Variants in MDH1B observed in about 807,000 individuals in gnomAD.
The protein encoded by MDH1B is malate dehydrogenase 1B, also known as putative malate dehydrogenase 1B.
In MDH1B, 60 loss-of-function variants were observed where a neutral mutation model predicts 61.4. That is an observed-to-expected ratio of 0.98 (90% CI 0.79 to 1.21). The LOEUF is 1.21. Ranked by LOEUF, MDH1B falls within the 50% of genes most tolerant of loss-of-function variation. The pLI, the probability that MDH1B is intolerant of heterozygous loss-of-function variation, is 0.00. For synonymous variants in MDH1B, 236 were observed against 218.7 expected (o/e 1.08, Z -0.70); for missense variants, 587 against 632.1 (o/e 0.93, Z 0.76).
At chr2:206,754,361 TC>T (rs1688629635) in intron 5 of MDH1B, among the ~76,000 whole-genome samples, 1 of 152,178 alleles carries the variant, frequency 6.6e-6, no homozygotes, top group Non-Finnish European at 1.5e-5. Context: ...AATACAACAA[TC>T]CATTTTCTGA....
intron 7 of MDH1B, among the ~76,000 whole-genome samples, chr2:206,748,163 A>G (rs766180084): frequency 1.4e-4 from 21 of 152,164 alleles, no homozygotes; most frequent in Non-Finnish European, 2.6e-4. Context: ...GGTAGATCAC[A>G]AGGTCAGGAG....
intron 4 of MDH1B, 83 bp downstream of exon 4, chr2:206,756,815 C>T: frequency 6.8e-7 from 1 of 1,467,016 alleles, no homozygotes. Flanking sequence ...AGGTATTCTT[C>T]CATCATGAAA....
Position 206,757,314 on chromosome 2 carries a change from T to C in MDH1B, c.193A>G (p.Ile65Val). The change falls in exon 3 of 12, where the codon ATC becomes GTC. Residue 65 changes from isoleucine to valine, a missense_variant. By Grantham distance (29) the Ile-to-Val change is conservative. Transcript: ENST00000374412. ...CCACGATCCAACAGCTCTCTCCAGA[T>C]GATAGGGGAATTCTTGTGACTCCAC... ...NKWSHKNSPI[I>V]WRELLDRGGK... is the part of the protein sequence containing the mutation. The C allele has an allele frequency of 6.2e-7, 1 of 1,613,970 alleles. No individual in the cohort carries two copies. The highest frequency in any genetic ancestry group is 8.5e-7 in the Non-Finnish European group (1 of 1,179,898).
At chr2:206,748,842 C>A (rs1688271548) in intron 7 of MDH1B, among the ~76,000 whole-genome samples, 178 bp downstream of exon 7, 1 of 152,152 alleles carries the variant, frequency 6.6e-6, no homozygotes, top group Non-Finnish European at 1.5e-5. Context: ...TGCATCCATA[C>A]AAAATATTGT....
intron 9 of MDH1B, among the ~76,000 whole-genome samples, chr2:206,744,394 C>T (rs1281380232): frequency 6.6e-6 from 1 of 152,052 alleles, no homozygotes; most frequent in East Asian, 1.9e-4. Context: ...ATATTGGGCT[C>T]CAAAAGACAC....
At position 206,755,140 on chromosome 2, in the gene MDH1B, A is replaced by T. The variant is rs367917776; in HGVS notation, c.779T>A (p.Phe260Tyr). 6.8e-6 allele frequency: 11 copies of T among 1,614,090 alleles called. No individual in the cohort carries two copies. The highest frequency in any genetic ancestry group is 9.3e-6 in the Non-Finnish European group (11 of 1,180,040). Residue 260 changes from phenylalanine (F) to tyrosine (Y), a missense_variant, in exon 5 of 12, where the codon TTT becomes TAT. Phe to Tyr is a conservative substitution (Grantham distance 22, BLOSUM62 3). Transcript: ENST00000374412. ...SVRVIVGGRT[F>Y]VNLKTVLLMR... ...GAGTAAAACTGTCTTCAGGTTTACA[A>T]AGGTTCTCCCTCCCACGATGACTCT...
At chr2:206,749,282 C>G in intron 6 of MDH1B, 99 bp from the exon 7 acceptor site, 1 of 955,382 alleles carries the variant, frequency 1.0e-6, no homozygotes, top group Non-Finnish European at 1.6e-6. Context: ...GAAACCTAAT[C>G]CACAGTCAAA....
At position 206,764,447 on chromosome 2, in the gene MDH1B, C is replaced by G. The variant is rs189242621; in HGVS notation, c.22+803G>C. On this transcript the variant is annotated intron_variant, in intron 1 of 11. Coordinates refer to ENST00000374412, the MANE Select transcript of MDH1B (RefSeq NM_001039845.3). Reference sequence around the variant, plus strand: ...TTCTGTCAGGAAGCAGAAGTAGAAGCCTTCTTCCAAGACTGATTGGAAGGC... The same window carrying G: ...TTCTGTCAGGAAGCAGAAGTAGAAGGCTTCTTCCAAGACTGATTGGAAGGC... Among the ~76,000 whole-genome samples, 47 of 152,238 alleles carry G rather than the reference C, an allele frequency of 3.1e-4. 1 individual carries two copies. The highest frequency in any genetic ancestry group is 1.1e-3 in the African/African-American group (44 of 41,536).
intron 1 of MDH1B, among the ~76,000 whole-genome samples, chr2:206,763,401 C>T (rs1433627922): frequency 2.0e-5 from 3 of 152,076 alleles, no homozygotes; most frequent in African/African-American, 7.2e-5. Context: ...AATCCATTCA[C>T]TTCTCTCCAT....
intron 9 of MDH1B, chr2:206,741,389 G>C (rs564356192): frequency 2.4e-6 from 1 of 425,156 alleles, no homozygotes; most frequent in Non-Finnish European, 4.4e-6. Context: ...GTGTCTGTGA[G>C]GGTGTTGCCA....
chr2:206,760,029 G>C (rs957357544), intron 2 of MDH1B, among the ~76,000 whole-genome samples: 1 of 152,198 alleles, frequency 6.6e-6, no homozygotes, highest in Admixed American at 6.5e-5. Flanking sequence ...TTTACCCAGG[G>C]AAAGATGGCA....
At chr2:206,753,763 T>A (rs1311245374) in intron 5 of MDH1B, among the ~76,000 whole-genome samples, 1 of 152,220 alleles carries the variant, frequency 6.6e-6, no homozygotes, top group East Asian at 1.9e-4. Context: ...TTTTTCTTTT[T>A]TCTGCTTCTC....
chr2:206,753,856 G>T (rs1688591016), intron 5 of MDH1B, among the ~76,000 whole-genome samples: 2 of 146,984 alleles, frequency 1.4e-5, no homozygotes, highest in African/African-American at 2.5e-5. Flanking sequence ...CTGGCTGAAA[G>T]CCCCCAACCC....
At chr2:206,749,674 G>A (rs552750561) in intron 6 of MDH1B, among the ~76,000 whole-genome samples, 1 of 152,266 alleles carries the variant, frequency 6.6e-6, no homozygotes, top group East Asian at 1.9e-4. Flanking sequence ...TAAACACAAA[G>A]TTCATTTATG....
intron 9 of MDH1B, chr2:206,745,373 G>A: frequency 1.6e-6 from 1 of 613,732 alleles, no homozygotes. Flanking sequence ...GGTAGTCCTA[G>A]GAAATTAATA....
intron 2 of MDH1B, among the ~76,000 whole-genome samples, chr2:206,757,845 C>T (rs543765423): frequency 2.0e-5 from 3 of 151,970 alleles, no homozygotes; most frequent in East Asian, 1.9e-4. Flanking sequence ...TGGAGATTTC[C>T]GACAATATTT....
intron 1 of MDH1B, among the ~76,000 whole-genome samples, chr2:206,761,782 G>A (rs1160121772): frequency 6.6e-6 from 1 of 152,088 alleles, no homozygotes; most frequent in Non-Finnish European, 1.5e-5. Flanking sequence ...GAAAAATGCA[G>A]AGCCCTCTCT....
intron 1 of MDH1B, among the ~76,000 whole-genome samples, chr2:206,764,484 T>C (rs1454703031): frequency 6.6e-6 from 1 of 152,118 alleles, no homozygotes; most frequent in Non-Finnish European, 1.5e-5. Flanking sequence ...GAACTGGAGA[T>C]GGAAGAGCAG....
At chr2:206,745,951 C>T (rs921868268) in intron 8 of MDH1B, among the ~76,000 whole-genome samples, 9 of 152,008 alleles carry the variant, frequency 5.9e-5, no homozygotes, top group South Asian at 2.1e-4. Flanking sequence ...TCAGGCTGGT[C>T]GCAAACTCCC....
Sources: gnomAD v4.1 joint callset for allele counts (sites outside exome capture counted in the v4.1 genomes callset) on GRCh38, gnomAD v4.1.1 for gene constraint, MANE v1.5 for transcripts, NCBI Gene and HGNC (gene_info 2026-07-23, HGNC 2026-07-21) for gene names.